Variants in SERGEF observed in about 807,000 individuals in gnomAD.
The protein encoded by SERGEF is secretion regulating guanine nucleotide exchange factor.
Under a neutral mutation model 50.0 loss-of-function variants are expected in SERGEF, and 51 were observed. That is an observed-to-expected ratio of 1.02 (90% CI 0.81 to 1.29). SERGEF has a LOEUF of 1.29. Ranked by LOEUF, SERGEF falls within the 50% of genes most tolerant of loss-of-function variation. The probability of loss-of-function intolerance (pLI) is 0.00; values close to 1 mark genes in which losing one functional copy is unlikely to be tolerated. For synonymous variants in SERGEF, 205 were observed against 212.4 expected (o/e 0.97, Z 0.30); for missense variants, 521 against 557.0 (o/e 0.94, Z 0.65).
chr11:18,011,585 C>A (rs1397109240), intron 1 of SERGEF, among the ~76,000 whole-genome samples: 1 of 152,176 alleles, frequency 6.6e-6, no homozygotes, highest in Non-Finnish European at 1.5e-5. Context: ...CCTAGCCGAC[C>A]AACACACCCC....
chr11:17,877,172 G>A (rs74334417), intron 10 of SERGEF, among the ~76,000 whole-genome samples: 2,455 of 152,314 alleles, frequency 0.016, 40 homozygotes, highest in Non-Finnish European at 0.028. Flanking sequence ...GGCCTGGCCT[G>A]GTAGAAGTTC....
intron 10 of SERGEF, among the ~76,000 whole-genome samples, chr11:17,835,679 T>G (rs1234976042): frequency 3.9e-5 from 6 of 152,198 alleles, no homozygotes; most frequent in Admixed American, 1.3e-4. Flanking sequence ...TTGGATCAAA[T>G]TGACTCAAAT....
intron 1 of SERGEF, chr11:18,012,571 C>A (rs73428354): frequency 5.1e-6 from 6 of 1,171,470 alleles, no homozygotes; most frequent in African/African-American, 1.7e-5. Flanking sequence ...GTGGGGGGCA[C>A]AGGTGGCCCC....
At chr11:17,847,559 T>A (rs777448839) in intron 10 of SERGEF, among the ~76,000 whole-genome samples, 1 of 152,206 alleles carries the variant, frequency 6.6e-6, no homozygotes, top group Non-Finnish European at 1.5e-5. Flanking sequence ...AAAACGCTAT[T>A]TACAAAGCAG....
At chr11:17,807,086 C>A (rs1032638091) in intron 10 of SERGEF, among the ~76,000 whole-genome samples, 4 of 152,152 alleles carry the variant, frequency 2.6e-5, no homozygotes, top group Non-Finnish European at 5.9e-5. Flanking sequence ...TTCTTTAAGA[C>A]CCTGGTCCTT....
intron 9 of SERGEF, among the ~76,000 whole-genome samples, chr11:17,882,462 A>C (rs1851353350): frequency 6.6e-6 from 1 of 150,754 alleles, no homozygotes; most frequent in African/African-American, 2.4e-5. Flanking sequence ...TTCAAACATC[A>C]CCTCCTGGTA....
At position 18,008,063 on chromosome 11, in the gene SERGEF, T is replaced by C. The variant is rs1854121297; in HGVS notation, c.74A>G (p.Tyr25Cys). 6.2e-7 allele frequency: 1 copy of C among 1,613,994 alleles called. No individual in the cohort carries two copies. The highest frequency in any genetic ancestry group is 8.5e-7 in the Non-Finnish European group (1 of 1,179,964). The change falls in exon 2 of 11, where the codon TAT becomes TGT. Residue 25 changes from tyrosine to cysteine, a missense_variant. Transcript: ENST00000265965. Reference protein sequence around the residue: ...AALFAWGANSYGQLGLGHKED... With the variant: ...AALFAWGANSCGQLGLGHKED... ...CTTATGGCCGAGGCCAAGTTGCCCA[T>C]AGCTATTTGCACCCTAGGGATGAAT...
At position 17,988,752 on chromosome 11, in the gene SERGEF, G is replaced by C; in HGVS notation, c.689C>G (p.Ala230Gly). The C allele has an allele frequency of 6.2e-7, 1 of 1,613,486 alleles. No homozygotes were observed. Among genetic ancestry groups the C allele is most frequent in the Non-Finnish European group, 8.5e-7 (1 of 1,179,644 alleles). The change falls in exon 8 of 11, where the codon GCA (alanine) becomes GGA (glycine). Residue 230 changes from alanine (A) to glycine (G), a missense_variant. Transcript: ENST00000265965. The stretch of plus-strand genomic sequence containing the variant: ...GCTTCCCCAAACATACACCTCTCCT[G>C]CATCTTAAACAAACAGAAGGGTAAC... ...GSDHSASLTD[A>G]GEVYVWGSNK...
At chr11:18,011,163 C>T (rs1854188473) in intron 1 of SERGEF, among the ~76,000 whole-genome samples, 1 of 151,720 alleles carries the variant, frequency 6.6e-6, no homozygotes. Context: ...CACACACACA[C>T]ACACCCCTAA....
At chr11:17,949,124 G>T (rs929361015) in intron 9 of SERGEF, among the ~76,000 whole-genome samples, 5 of 152,104 alleles carry the variant, frequency 3.3e-5, no homozygotes, top group African/African-American at 1.2e-4. Flanking sequence ...CCAAGGGAAT[G>T]GTGTGGTTTT....
rs182496869 is a variant in SERGEF at position 17,842,490 on chromosome 11, C to T, written c.1048+35718G>A. On this transcript the variant is annotated intron_variant, in intron 10 of 10. Transcript: ENST00000265965. ...AGGCGTGGTACCAAGACCATGCATC[C>T]GGTATTCAGTTAATCCTTTCAGTAC... 4.6e-5 allele frequency among the ~76,000 whole-genome samples: 7 copies of T among 152,256 alleles called. No homozygotes were observed. The East Asian group carries it at 1.3e-3, about 29-fold the overall frequency.
chr11:17,839,564 A>G (rs1201246411), intron 10 of SERGEF, among the ~76,000 whole-genome samples: 1 of 152,170 alleles, frequency 6.6e-6, no homozygotes, highest in Non-Finnish European at 1.5e-5. Flanking sequence ...GTCCTCAGGC[A>G]GAAAAAGGAC....
chr11:17,821,497 A>G (rs1268690207), intron 10 of SERGEF, among the ~76,000 whole-genome samples: 1 of 152,186 alleles, frequency 6.6e-6, no homozygotes, highest in Non-Finnish European at 1.5e-5. Flanking sequence ...GGTAGACGGT[A>G]GGTGCTCCAT....
chr11:17,856,515 C>A (rs887437225), intron 10 of SERGEF: 1 of 152,164 alleles, frequency 6.6e-6, no homozygotes, highest in African/African-American at 2.4e-5. Flanking sequence ...CAGCTCTTAA[C>A]AATCTGTTAC....
chr11:17,830,645 GGAGGGA>G lies in SERGEF; in HGVS notation c.1049-42238_1049-42233del, dbSNP rs1372174402. Among the ~76,000 whole-genome samples the G allele has an allele frequency of 4.6e-3, 90 of 19,390 alleles. 3 individuals carry two copies. Among genetic ancestry groups the G allele is most frequent in the South Asian group, 9.9e-3 (5 of 504 alleles). 12.7% of individuals were successfully genotyped at this position (19,390 alleles called of 152,430 possible). ...GAGAGAGGGAAAGGGGGAGGGAGAGGGAGGGAGAGAGAGAGAGAGAGAGAGAGAGAG... is the reference window on the plus strand; with the variant it reads ...GAGAGAGGGAAAGGGGGAGGGAGAGGGAGAGAGAGAGAGAGAGAGAGAGAG... On this transcript the variant is annotated intron_variant, in intron 10 of 10. Coordinates refer to ENST00000265965, the MANE Select transcript of SERGEF (RefSeq NM_012139.4).
At chr11:17,911,981 T>A (rs567227844) in intron 9 of SERGEF, among the ~76,000 whole-genome samples, 2 of 152,286 alleles carry the variant, frequency 1.3e-5, no homozygotes, top group South Asian at 4.2e-4. Flanking sequence ...GAGTTTGAGC[T>A]TATATTCAGC....
intron 9 of SERGEF, among the ~76,000 whole-genome samples, chr11:17,904,044 T>C (rs1851795896): frequency 6.6e-6 from 1 of 152,168 alleles, no homozygotes; most frequent in South Asian, 2.1e-4. Flanking sequence ...GGAGTAGGTA[T>C]CTAGGGCCAG....
rs984372636 is a variant in SERGEF at position 17,847,117 on chromosome 11, C to T, written c.1048+31091G>A. Among the ~76,000 whole-genome samples, 13 of 152,240 alleles carry T rather than the reference C, an allele frequency of 8.5e-5. No homozygotes were observed. In the East Asian group the frequency reaches 2.5e-3, roughly 29 times the overall value. On this transcript the variant is annotated intron_variant, in intron 10 of 10. Transcript: ENST00000265965. ...CAGCACCGCTGCAGCCCCTGACCTA[C>T]TTTCTTACTAAAAATAGCTCTTCTT...
chr11:17,847,043 A>G (rs542436921), intron 10 of SERGEF, among the ~76,000 whole-genome samples: 1 of 152,330 alleles, frequency 6.6e-6, no homozygotes, highest in South Asian at 2.1e-4. Flanking sequence ...TGGCTGTGCG[A>G]GAAGTGAGCA....
Sources: gnomAD v4.1 joint callset for allele counts (sites outside exome capture counted in the v4.1 genomes callset) on GRCh38, gnomAD v4.1.1 for gene constraint, MANE v1.5 for transcripts, NCBI Gene and HGNC (gene_info 2026-07-23, HGNC 2026-07-21) for gene names.